Variants in FNDC3A observed in about 807,000 individuals in gnomAD.
FNDC3A encodes fibronectin type III domain containing 3A, also known as fibronectin type-III domain-containing protein 3A.
In FNDC3A, 32 loss-of-function variants were observed where a neutral mutation model predicts 148.9. The ratio of observed to expected loss-of-function variants is 0.21; its 90% CI spans 0.16 to 0.29. FNDC3A has a LOEUF of 0.29. Ranked by LOEUF, FNDC3A falls within the 10% of genes least tolerant of loss-of-function variation. The pLI is 1.00. For missense variants in FNDC3A, 1,191 were observed against 1,452.8 expected (o/e 0.82, Z 2.93); for synonymous variants, 472 against 473.6 (o/e 1.00, Z 0.04).
chr13:49,039,736 C>T (rs778439471), intron 2 of FNDC3A, among the ~76,000 whole-genome samples: 6 of 151,980 alleles, frequency 3.9e-5, no homozygotes, highest in South Asian at 2.1e-4. Context: ...TTTTCTGAGA[C>T]GGAGTTTCGC....
At chr13:49,187,299 G>A (rs1885628090) in intron 16 of FNDC3A, 109 bp downstream of exon 16, 1 of 953,906 alleles carries the variant, frequency 1.0e-6, no homozygotes. Context: ...CTTTTCATAA[G>A]GTACACCATA....
intron 3 of FNDC3A, among the ~76,000 whole-genome samples, chr13:49,081,685 A>AT (rs1878481533): frequency 6.6e-6 from 1 of 152,222 alleles, no homozygotes; most frequent in South Asian, 2.1e-4. Flanking sequence ...TTGATCATGG[A>AT]TTAACCACAT....
intron 2 of FNDC3A, among the ~76,000 whole-genome samples, chr13:49,031,137 A>T (rs1297738846): frequency 2.0e-5 from 3 of 152,214 alleles, no homozygotes; most frequent in Non-Finnish European, 2.9e-5. Flanking sequence ...CTGTAATCTT[A>T]GCACTTTGGG....
rs370851714 is a variant in FNDC3A, at chr13:49,191,336, T to C, written c.2178T>C (p.Leu726=). ...TAGAATGTACAGTGAGCAGCCTTCT[T>C]CCTGGAAAGACATACAGCTTCAGAC... ...SEVECTVSSL[L]PGKTYSFRLR... is the part of the protein sequence containing the mutation. Residue 726 remains leucine (L), a synonymous_variant, in exon 19 of 26, where the codon CTT becomes CTC. Transcript: ENST00000492622. 3.5e-5 allele frequency: 56 copies of C among 1,611,670 alleles called. No homozygotes were observed. Among genetic ancestry groups the C allele is most frequent in the Non-Finnish European group, 4.6e-5 (54 of 1,179,484 alleles).
intron 3 of FNDC3A, among the ~76,000 whole-genome samples, chr13:49,079,654 C>T (rs777736665): frequency 6.6e-6 from 1 of 152,128 alleles, no homozygotes. Context: ...AAAAGTCTTC[C>T]TACTACAAAC....
At chr13:49,090,627 G>A (rs1345275107) in intron 3 of FNDC3A, among the ~76,000 whole-genome samples, 3 of 150,812 alleles carry the variant, frequency 2.0e-5, no homozygotes, top group African/African-American at 7.3e-5. Flanking sequence ...GACTTCCAGG[G>A]GATTTAAAGA....
intron 7 of FNDC3A, among the ~76,000 whole-genome samples, chr13:49,140,329 C>T (rs938557915): frequency 2.0e-5 from 3 of 152,104 alleles, no homozygotes; most frequent in African/African-American, 7.2e-5. Context: ...GAGCAAGAAC[C>T]TGTCTCATAA....
intron 3 of FNDC3A, among the ~76,000 whole-genome samples, chr13:49,082,184 G>A (rs1236663069): frequency 2.0e-5 from 3 of 151,970 alleles, no homozygotes; most frequent in East Asian, 3.9e-4. Context: ...TCAGGAGTTC[G>A]AGACCAGTTG....
At chr13:49,107,134 CTT>C (rs1181189418) in intron 3 of FNDC3A, among the ~76,000 whole-genome samples, 1 of 152,118 alleles carries the variant, frequency 6.6e-6, no homozygotes, top group Non-Finnish European at 1.5e-5. Context: ...ACTTTAATGA[CTT>C]GCACTATTTT....
In FNDC3A at chr13:49,021,901, T is replaced by G. The variant is rs146334726; in HGVS notation, c.99+15612T>G. On this transcript the variant is annotated intron_variant, in intron 2 of 25. Transcript: ENST00000492622. ...CTAGTGTCATTTTATATTTTTATAT[T>G]GATATCTAAACTTTGGAAAACAGTG... is the stretch of plus-strand genomic sequence containing the variant. Among the ~76,000 whole-genome samples, 18 of 152,330 alleles carry G rather than the reference T, an allele frequency of 1.2e-4. No individual in the cohort carries two copies. The East Asian group carries it at 2.1e-3, about 18-fold the overall frequency.
At chr13:49,070,592 A>G (rs1877587617) in intron 2 of FNDC3A, among the ~76,000 whole-genome samples, 2 of 152,206 alleles carry the variant, frequency 1.3e-5, no homozygotes, top group Non-Finnish European at 2.9e-5. Flanking sequence ...TCTTCTAGCT[A>G]CTTTTAAATA....
At chr13:49,045,219 T>G (rs1875297133) in intron 2 of FNDC3A, among the ~76,000 whole-genome samples, 1 of 152,008 alleles carries the variant, frequency 6.6e-6, no homozygotes, top group African/African-American at 2.4e-5. Context: ...AGTGGTACCA[T>G]CTCGACTAAC....
chr13:49,127,466 G>T (rs1881770822), intron 4 of FNDC3A, among the ~76,000 whole-genome samples: 2 of 152,132 alleles, frequency 1.3e-5, no homozygotes, highest in African/African-American at 4.8e-5. Flanking sequence ...CCCTCTTCAA[G>T]GTCACAGTAA....
At chr13:49,008,310 T>C (rs921983556) in intron 2 of FNDC3A, among the ~76,000 whole-genome samples, 4 of 152,032 alleles carry the variant, frequency 2.6e-5, no homozygotes, top group African/African-American at 9.7e-5. Flanking sequence ...TAATTAGAGG[T>C]GGGAGCGCAA....
At chr13:49,122,095 C>G (rs1881387185) in intron 4 of FNDC3A, among the ~76,000 whole-genome samples, 1 of 152,104 alleles carries the variant, frequency 6.6e-6, no homozygotes, top group Non-Finnish European at 1.5e-5. Context: ...ATGTGAAAAT[C>G]CTCAATAAAA....
At chr13:48,977,974 C>T (rs1158404370) in intron 1 of FNDC3A, among the ~76,000 whole-genome samples, 2 of 152,084 alleles carry the variant, frequency 1.3e-5, no homozygotes, top group African/African-American at 2.4e-5. Context: ...TGTCTGAATC[C>T]TCCAAATCAT....
At chr13:49,118,915 A>G (rs1881146873) in intron 4 of FNDC3A, among the ~76,000 whole-genome samples, 1 of 152,216 alleles carries the variant, frequency 6.6e-6, no homozygotes, top group African/African-American at 2.4e-5. Flanking sequence ...GGAAGGGGCA[A>G]GTGTGGGCAC....
chr13:49,140,486 CTTTG>C (rs1384585737), intron 7 of FNDC3A, among the ~76,000 whole-genome samples: 1 of 151,984 alleles, frequency 6.6e-6, no homozygotes, highest in African/African-American at 2.4e-5. Flanking sequence ...GTTTTATTTG[CTTTG>C]TTTTAGTTTA....
chr13:49,147,560 T>A (rs913623300), intron 8 of FNDC3A, among the ~76,000 whole-genome samples: 2 of 151,922 alleles, frequency 1.3e-5, no homozygotes, highest in African/African-American at 4.8e-5. Flanking sequence ...GGGAATAGGC[T>A]GGTTTGCGGC....
Sources: allele counts gnomAD v4.1 joint callset (sites outside exome capture counted in the v4.1 genomes callset), GRCh38; gene constraint gnomAD v4.1.1; transcripts MANE v1.5; gene names NCBI Gene and HGNC (gene_info 2026-07-23, HGNC 2026-07-21).